KALRN: variants seen among roughly 807,000 people sequenced by gnomAD.
The protein encoded by KALRN is kalirin.
In KALRN, 70 loss-of-function variants were observed where a neutral mutation model predicts 353.7. The observed-to-expected ratio is 0.20, with a 90% CI of 0.16 to 0.24. The LOEUF is 0.24. KALRN is among the 10% of genes least tolerant of loss of function. KALRN has a pLI of 1.00. For missense variants in KALRN, 2,791 were observed against 3,756.7 expected (o/e 0.74, Z 6.72); for synonymous variants, 1,391 against 1,434.8 (o/e 0.97, Z 0.69).
intron 51 of KALRN, among the ~76,000 whole-genome samples, chr3:124,684,764 G>A (rs1241981111): frequency 6.6e-6 from 1 of 152,190 alleles, no homozygotes; most frequent in African/African-American, 2.4e-5. Context: ...CTTTTCAGGG[G>A]GTGTGGCGGG....
At chr3:124,477,091 G>C (rs910794229) in intron 26 of KALRN, among the ~76,000 whole-genome samples, 154 bp from the exon 27 acceptor site, 3 of 152,240 alleles carry the variant, frequency 2.0e-5, no homozygotes, top group Non-Finnish European at 4.4e-5. Flanking sequence ...AGGGGACCAT[G>C]GGGGCTGGAT....
chr3:124,290,242 G>A (rs937238872), intron 5 of KALRN, among the ~76,000 whole-genome samples: 1 of 152,244 alleles, frequency 6.6e-6, no homozygotes, highest in Admixed American at 6.5e-5. Flanking sequence ...AGCCAGATGG[G>A]CTGCTGCTGA....
chr3:124,412,005 A>G (rs559796793), intron 13 of KALRN, among the ~76,000 whole-genome samples: 20 of 152,122 alleles, frequency 1.3e-4, no homozygotes, highest in African/African-American at 4.6e-4. Flanking sequence ...GATATTTTCA[A>G]TTTCCCCATT....
intron 36 of KALRN, among the ~76,000 whole-genome samples, chr3:124,635,775 C>T (rs1413397066): frequency 6.6e-6 from 1 of 152,056 alleles, no homozygotes; most frequent in East Asian, 1.9e-4. Context: ...TTATTTACTA[C>T]CATTTCCTAA....
chr3:124,594,855 GGTATT>G (rs1368837231), intron 34 of KALRN, among the ~76,000 whole-genome samples: 2 of 152,068 alleles, frequency 1.3e-5, no homozygotes, highest in Admixed American at 1.3e-4. Context: ...TTAGTTATGA[GGTATT>G]GGGAATCTTC....
intron 38 of KALRN, among the ~76,000 whole-genome samples, chr3:124,652,779 G>A (rs146904476): frequency 1.5e-3 from 222 of 152,096 alleles, no homozygotes; most frequent in African/African-American, 4.5e-3. Flanking sequence ...GGGTTTCACC[G>A]TGTTAGCCAG....
intron 10 of KALRN, among the ~76,000 whole-genome samples, chr3:124,384,174 C>T (rs575345260): frequency 3.9e-5 from 6 of 152,158 alleles, no homozygotes; most frequent in South Asian, 4.1e-4. Context: ...GGGAGTTGGA[C>T]GACTGTGTGT....
intron 1 of KALRN, among the ~76,000 whole-genome samples, chr3:124,120,775 A>G (rs1015661537): frequency 6.8e-6 from 1 of 146,358 alleles, no homozygotes; most frequent in Admixed American, 6.8e-5. Context: ...TATTCATTCA[A>G]TGTGTATTTA....
intron 10 of KALRN, among the ~76,000 whole-genome samples, chr3:124,383,053 G>A (rs370389351): frequency 6.6e-6 from 1 of 152,228 alleles, no homozygotes; most frequent in African/African-American, 2.4e-5. Flanking sequence ...TCAACCCTGT[G>A]TTGGGAGCAT....
chr3:124,173,035 C>A (rs2072094079), intron 1 of KALRN, among the ~76,000 whole-genome samples: 1 of 151,834 alleles, frequency 6.6e-6, no homozygotes, highest in African/African-American at 2.4e-5. Flanking sequence ...AATAACTGGC[C>A]TAAGGTCACA....
intron 14 of KALRN, 105 bp from the exon 15 acceptor site, chr3:124,422,707 G>A: frequency 1.1e-6 from 1 of 905,686 alleles, no homozygotes; most frequent in Non-Finnish European, 1.7e-6. Context: ...GGGAGGGTAT[G>A]AATAATGGCT....
rs2075031403 is a variant in KALRN at position 124,278,657 on chromosome 3, AAACC to A, written c.969+9405_969+9408del. ...AGGGAAAATCAGAGTTTATAAAGTA[AAACC>A]AATTTTACTTTATAATTTGTTTTAT... On this transcript the variant is annotated intron_variant, in intron 5 of 59. Transcript: ENST00000682506. Among the ~76,000 whole-genome samples the A allele has an allele frequency of 2.0e-5, 3 of 152,216 alleles. No individual in the cohort carries two copies. The South Asian group carries it at 6.2e-4, about 32-fold the overall frequency.
chr3:124,481,712 C>T (rs529014852), intron 27 of KALRN, among the ~76,000 whole-genome samples: 46 of 152,240 alleles, frequency 3.0e-4, no homozygotes, highest in Non-Finnish European at 5.6e-4. Flanking sequence ...TTATTTCAGC[C>T]GATACAGTTT....
intron 34 of KALRN, among the ~76,000 whole-genome samples, chr3:124,577,563 A>G (rs2074238606): frequency 6.6e-6 from 1 of 152,188 alleles, no homozygotes; most frequent in Non-Finnish European, 1.5e-5. Flanking sequence ...GGGAATGGTT[A>G]CCCACACAGA....
chr3:124,502,815 C>G (rs147059976), intron 33 of KALRN, among the ~76,000 whole-genome samples: 200 of 152,274 alleles, frequency 1.3e-3, no homozygotes, highest in African/African-American at 4.5e-3. Context: ...AAGAGAAAAC[C>G]AAACATCTGG....
chr3:124,664,030 G>C (rs758185481), intron 45 of KALRN, among the ~76,000 whole-genome samples: 1 of 152,150 alleles, frequency 6.6e-6, no homozygotes, highest in Non-Finnish European at 1.5e-5. Context: ...TCCAAAGCAG[G>C]CTGGAGACAT....
Position 124,196,198 on chromosome 3 carries a change from A to G in KALRN, c.74-31792A>G, listed in dbSNP as rs147359858. Among the ~76,000 whole-genome samples the G allele has an allele frequency of 8.5e-3, 1,297 of 152,244 alleles. 20 individuals are homozygous for G. The highest frequency in any genetic ancestry group is 9.2e-3 in the Non-Finnish European group (627 of 68,020). ...ATTCCTGGCCCTTATTAGGTTGTCT[A>G]TCTTAGTCTCAGACAAGCTGCAGGT... On this transcript the variant is annotated intron_variant, in intron 1 of 59. Coordinates refer to ENST00000682506, the MANE Select transcript of KALRN (RefSeq NM_001388419.1).
chr3:124,326,077 A>G lies in KALRN; in HGVS notation c.1190A>G (p.Gln397Arg). Reference sequence around the variant, plus strand: ...CAACAAATCAAGCAGATCTCCACCCAGCTGGACCAGGAGTGGAAGAGCTTC... The same window carrying G: ...CAACAAATCAAGCAGATCTCCACCCGGCTGGACCAGGAGTGGAAGAGCTTC... ...ASQQIKQIST[Q>R]LDQEWKSFAA... The change falls in exon 7 of 60, where the codon CAG becomes CGG. Residue 397 changes from glutamine (Q) to arginine (R), a missense_variant. By Grantham distance (43) the Gln-to-Arg change is conservative. Around this residue, in one of 11 missense-constraint regions of KALRN, gnomAD observed 366 missense variants for 489.2 expected, o/e 0.75. Transcript: ENST00000682506. 8 of 1,613,888 alleles carry G rather than the reference A, an allele frequency of 5.0e-6. No individual in the cohort carries two copies. The highest frequency in any genetic ancestry group is 6.8e-6 in the Non-Finnish European group (8 of 1,179,878).
At chr3:124,051,096 T>C (rs2040994069) in intron 1 of KALRN, among the ~76,000 whole-genome samples, 1 of 152,206 alleles carries the variant, frequency 6.6e-6, no homozygotes, top group East Asian at 1.9e-4. Flanking sequence ...TGTATATACA[T>C]GTATATGCTT....
Sources: gnomAD v4.1 joint callset for allele counts (sites outside exome capture counted in the v4.1 genomes callset) on GRCh38, gnomAD v4.1.1 for gene constraint, gnomAD v4.1.1 regional missense constraint, MANE v1.5 for transcripts, NCBI Gene and HGNC (gene_info 2026-07-23, HGNC 2026-07-21) for gene names.